The following PAM variants were observed in gnomAD, a reference collection of about 807,000 sequenced individuals.
The protein encoded by PAM is peptidylglycine alpha-amidating monooxygenase, also known as peptidyl-glycine alpha-amidating monooxygenase.
A neutral mutation model predicts 122.1 loss-of-function variants in PAM; 72 were observed. The observed-to-expected ratio is 0.59, with a 90% CI of 0.49 to 0.72. PAM has a LOEUF of 0.72. Ranked by LOEUF, PAM falls within the 30% of genes least tolerant of loss-of-function variation. The pLI is 0.00. For synonymous variants in PAM, 389 were observed against 404.4 expected, an observed-to-expected ratio of 0.96 and a Z score of 0.46; for missense variants, 1,106 against 1,183.7, an observed-to-expected ratio of 0.93 and a Z score of 0.96.
intron 17 of PAM, among the ~76,000 whole-genome samples, chr5:103,003,968 A>AC (rs1302944854): frequency 6.6e-6 from 1 of 152,182 alleles, no homozygotes; most frequent in African/African-American, 2.4e-5. Context: ...AAAAAAAAAA[A>AC]AGTTGACTGA....
chr5:102,961,725 G>A (rs1411730047), intron 14 of PAM, among the ~76,000 whole-genome samples: 1 of 151,802 alleles, frequency 6.6e-6, no homozygotes, highest in African/African-American at 2.4e-5. Flanking sequence ...CTATAGTTTT[G>A]TGTTAAGTTG....
At chr5:102,982,345 A>C (rs1770194674) in intron 15 of PAM, among the ~76,000 whole-genome samples, 1 of 152,014 alleles carries the variant, frequency 6.6e-6, no homozygotes, top group African/African-American at 2.4e-5. Context: ...TGCCTTTACT[A>C]ATGCCATGCA....
At chr5:102,897,588 T>C (rs898852361) in intron 3 of PAM, among the ~76,000 whole-genome samples, 2 of 151,668 alleles carry the variant, frequency 1.3e-5, no homozygotes, top group African/African-American at 2.4e-5. Context: ...CAATATAATA[T>C]TTCTATGACT....
intron 3 of PAM, among the ~76,000 whole-genome samples, chr5:102,892,330 T>C (rs986824139): frequency 1.3e-5 from 2 of 151,888 alleles, no homozygotes; most frequent in African/African-American, 4.8e-5. Flanking sequence ...CGTTGTTTAG[T>C]TGCTGGATGA....
chr5:102,938,066 C>T (rs1753860232), intron 7 of PAM, among the ~76,000 whole-genome samples: 1 of 152,100 alleles, frequency 6.6e-6, no homozygotes, highest in African/African-American at 2.4e-5. Context: ...TCTTCTCTAA[C>T]CTTCATTATA....
chr5:102,881,035 AAAAT>A (rs1269088395), intron 3 of PAM, among the ~76,000 whole-genome samples: 1 of 151,900 alleles, frequency 6.6e-6, no homozygotes, highest in African/African-American at 2.4e-5. Context: ...GTTTTCTAGA[AAAAT>A]AACTGAAATT....
At chr5:102,976,502 A>G (rs1243923479) in intron 15 of PAM, among the ~76,000 whole-genome samples, 2 of 152,134 alleles carry the variant, frequency 1.3e-5, no homozygotes, top group South Asian at 2.1e-4. Context: ...GTATAGTCAA[A>G]GAGAATAAAT....
intron 5 of PAM, among the ~76,000 whole-genome samples, chr5:102,916,754 A>G (rs1803248465): frequency 7.0e-6 from 1 of 142,880 alleles, no homozygotes; most frequent in Non-Finnish European, 1.5e-5. Flanking sequence ...TTTTTTTTTG[A>G]CTGAGTCTCA....
At chr5:102,934,601 G>A (rs557017912) in intron 7 of PAM, among the ~76,000 whole-genome samples, 1 of 152,164 alleles carries the variant, frequency 6.6e-6, no homozygotes, top group South Asian at 2.1e-4. Flanking sequence ...TGCTTTGATG[G>A]GGATAGGGAC....
At chr5:103,002,997 G>T in intron 16 of PAM, 36 bp from the exon 17 acceptor site, 1 of 920,750 alleles carries the variant, frequency 1.1e-6, no homozygotes, top group Non-Finnish European at 1.8e-6. Flanking sequence ...TGGAATTTAT[G>T]ATTGTTTCAT....
At chr5:102,915,801 A>G (rs1371707140) in intron 5 of PAM, among the ~76,000 whole-genome samples, 1 of 152,106 alleles carries the variant, frequency 6.6e-6, no homozygotes, top group Non-Finnish European at 1.5e-5. Flanking sequence ...GTTAGGAAAA[A>G]TTATCTAAAA....
chr5:102,880,636 T>A (rs1412937086), intron 3 of PAM, among the ~76,000 whole-genome samples: 1 of 152,066 alleles, frequency 6.6e-6, no homozygotes, highest in African/African-American at 2.4e-5. Context: ...AATGACTCTT[T>A]AGTAGTATCC....
At chr5:102,997,031 GT>G (rs1775906565) in intron 16 of PAM, among the ~76,000 whole-genome samples, 1 of 152,078 alleles carries the variant, frequency 6.6e-6, no homozygotes, top group Non-Finnish European at 1.5e-5. Context: ...ATTCTTAACA[GT>G]GAAAGTATAG....
chr5:102,769,788 T>G (rs1352287178), intron 1 of PAM, among the ~76,000 whole-genome samples: 1 of 152,166 alleles, frequency 6.6e-6, no homozygotes, highest in Non-Finnish European at 1.5e-5. Flanking sequence ...GTTAATGTGA[T>G]TCCTCTGGTT....
chr5:102,829,654 G>A lies in PAM; in HGVS notation c.-373-36169G>A, dbSNP rs528724140. Reference sequence around the variant, plus strand: ...CTCCCAAAATGCTGGGATTACAGGCGTGAGCCACTGCGCCTGGCCGCAAAT... The same window carrying A: ...CTCCCAAAATGCTGGGATTACAGGCATGAGCCACTGCGCCTGGCCGCAAAT... On this transcript the variant is annotated intron_variant, in intron 1 of 25. Coordinates refer to ENST00000438793, the MANE Select transcript of PAM (RefSeq NM_001177306.2). Among the ~76,000 whole-genome samples the A allele has an allele frequency of 1.6e-3, 245 of 152,272 alleles. 1 individual carries two copies. Among genetic ancestry groups the A allele is most frequent in the South Asian group, 5.4e-3 (26 of 4,828 alleles).
chr5:102,880,747 AC>A (rs1434234293), intron 3 of PAM, among the ~76,000 whole-genome samples: 1 of 151,850 alleles, frequency 6.6e-6, no homozygotes, highest in Non-Finnish European at 1.5e-5. Context: ...AAATACAAAT[AC>A]AAAGTCAACT....
At chr5:102,994,857 G>A (rs1775187691) in intron 16 of PAM, among the ~76,000 whole-genome samples, 1 of 152,084 alleles carries the variant, frequency 6.6e-6, no homozygotes, top group Non-Finnish European at 1.5e-5. Context: ...TCTTTGATAA[G>A]CATGCCTTTT....
At chr5:102,777,119 G>T (rs745899669) in intron 1 of PAM, among the ~76,000 whole-genome samples, 2 of 151,958 alleles carry the variant, frequency 1.3e-5, no homozygotes, top group African/African-American at 4.8e-5. Flanking sequence ...ACTTGAAATG[G>T]ATCTTTTTCA....
At chr5:102,886,121 C>G (rs1793009693) in intron 3 of PAM, among the ~76,000 whole-genome samples, 1 of 151,962 alleles carries the variant, frequency 6.6e-6, no homozygotes, top group South Asian at 2.1e-4. Flanking sequence ...CAAAGCAAAT[C>G]CTCCAGAAGA....
Sources: gnomAD v4.1 joint callset for allele counts (sites outside exome capture counted in the v4.1 genomes callset) on GRCh38, gnomAD v4.1.1 for gene constraint, MANE v1.5 for transcripts, NCBI Gene and HGNC (gene_info 2026-07-23, HGNC 2026-07-21) for gene names.